Variants in ERICH1 observed in about 807,000 individuals in gnomAD.
ERICH1 encodes the protein glutamate rich 1, also known as glutamate-rich protein 1.
A neutral mutation model predicts 39.6 loss-of-function variants in ERICH1; 56 were observed. The observed-to-expected ratio is 1.41, with a 90% CI of 1.14 to 1.77. ERICH1 has a LOEUF of 1.77. Among genes scored for constraint, ERICH1 ranks in the 40% most tolerant of loss-of-function variants. ERICH1 has a pLI of 0.00. For synonymous variants in ERICH1, 313 were observed against 223.6 expected (o/e 1.40, Z -3.57); for missense variants, 826 against 575.4 (o/e 1.44, Z -4.45).
intron 1 of ERICH1, 58 bp from the exon 2 acceptor site, chr8:716,065 C>T: frequency 1.3e-6 from 2 of 1,533,188 alleles, no homozygotes; most frequent in Admixed American, 4.2e-5. Context: ...TGCAGTTTAT[C>T]TGAATCACAC....
intron 3 of ERICH1, among the ~76,000 whole-genome samples, chr8:651,819 C>G (rs117690528): frequency 0.016 from 2,425 of 152,230 alleles, 28 homozygotes; most frequent in Middle Eastern, 0.031. Context: ...ATTGTCAACT[C>G]TACTCGGAAA....
intron 3 of ERICH1, among the ~76,000 whole-genome samples, chr8:686,459 A>C (rs76716310): frequency 4.6e-5 from 3 of 64,652 alleles, no homozygotes; most frequent in African/African-American, 1.2e-4. Context: ...AAAAAAAAAA[A>C]AAAAAACAAA....
intron 1 of ERICH1, among the ~76,000 whole-genome samples, chr8:728,499 C>A (rs1819311140): frequency 6.6e-6 from 1 of 152,184 alleles, no homozygotes; most frequent in Non-Finnish European, 1.5e-5. Flanking sequence ...ACACTGGGGG[C>A]CTCCCCAGTC....
rs780224169 is a variant in ERICH1 at position 731,197 on chromosome 8, C to T, written c.-36G>A. On this transcript the variant is annotated 5_prime_UTR_variant, in exon 1 of 6. Transcript: ENST00000262109. ...GCCGCGGACCTCAGACCACGGCGCG[C>T]GGTCCTGAGCTGAGCGCCGTGCCTT... 2.2e-5 allele frequency: 32 copies of T among 1,468,004 alleles called. No homozygotes were observed. The highest frequency in any genetic ancestry group is 2.8e-5 in the East Asian group (1 of 35,570). The allele number at this position is 1,468,004 out of a possible 1,614,324, so 90.9% of individuals were successfully genotyped here. A position where few individuals can be genotyped will look rare whatever the true frequency, so the allele number is the denominator to read the frequency against.
chr8:615,605 T>C (rs1376841165), intron 3 of ERICH1: 5 of 254,550 alleles, frequency 2.0e-5, no homozygotes. Flanking sequence ...CTATCCCTGA[T>C]CTGCCCAGGG....
At chr8:721,278 T>C (rs1817249565) in intron 1 of ERICH1, among the ~76,000 whole-genome samples, 1 of 152,252 alleles carries the variant, frequency 6.6e-6, no homozygotes, top group Non-Finnish European at 1.5e-5. Context: ...TTTTAACTTT[T>C]TAAAATCAGT....
chr8:616,432 C>CAG, intron 3 of ERICH1: 1 of 432,662 alleles, frequency 2.3e-6, no homozygotes, highest in Non-Finnish European at 4.7e-6. Flanking sequence ...CCCGCACACC[C>CAG]CATGCTCTCC....
At chr8:630,697 CGG>C (rs1175296306) in intron 3 of ERICH1, among the ~76,000 whole-genome samples, 2 of 116,954 alleles carry the variant, frequency 1.7e-5, no homozygotes, top group African/African-American at 6.8e-5. Flanking sequence ...AGCACCCACA[CGG>C]ACAGAGCTGA....
At chr8:628,365 C>G (rs1797722016) in intron 3 of ERICH1, among the ~76,000 whole-genome samples, 1 of 152,328 alleles carries the variant, frequency 6.6e-6, no homozygotes, top group Non-Finnish European at 1.5e-5. Context: ...GAAGTTTGGT[C>G]ATAACTTTTG....
chr8:633,176 C>A (rs915704635), intron 3 of ERICH1, among the ~76,000 whole-genome samples: 1 of 151,852 alleles, frequency 6.6e-6, no homozygotes, highest in East Asian at 1.9e-4. Context: ...TGGGGCCGCC[C>A]AGGACAGACG....
chr8:708,508 A>G (rs576354811), intron 2 of ERICH1, among the ~76,000 whole-genome samples: 4 of 152,254 alleles, frequency 2.6e-5, no homozygotes, highest in African/African-American at 4.8e-5. Flanking sequence ...AACATGAATG[A>G]ACCTTTAAAA....
intron 1 of ERICH1, among the ~76,000 whole-genome samples, chr8:724,095 C>T (rs1817984432): frequency 6.6e-6 from 1 of 152,144 alleles, no homozygotes; most frequent in African/African-American, 2.4e-5. Context: ...CAGAAATAAT[C>T]CTCAAATGGG....
At chr8:682,258 C>T (rs929743087) in intron 3 of ERICH1, among the ~76,000 whole-genome samples, 2 of 152,158 alleles carry the variant, frequency 1.3e-5, no homozygotes, top group African/African-American at 4.8e-5. Context: ...AGGGGTCTGC[C>T]AAGCATCCCA....
At chr8:636,669 A>AAAGGGTC in intron 3 of ERICH1, among the ~76,000 whole-genome samples, 1 of 152,204 alleles carries the variant, frequency 6.6e-6, no homozygotes, top group South Asian at 2.1e-4. Flanking sequence ...CAGTCCAAAT[A>AAAGGGTC]AAGGGTCGCT....
chr8:683,518 CTT>C (rs1355723085), intron 3 of ERICH1, among the ~76,000 whole-genome samples: 25 of 152,324 alleles, frequency 1.6e-4, no homozygotes, highest in Admixed American at 8.5e-4. Context: ...CTCTCTCTCT[CTT>C]AATAGATCTG....
chr8:689,614 G>A (rs966515938), intron 3 of ERICH1, among the ~76,000 whole-genome samples: 2 of 152,222 alleles, frequency 1.3e-5, no homozygotes, highest in Non-Finnish European at 2.9e-5. Context: ...ACCCAGGGAA[G>A]AGGCATGTTG....
rs200973779 is a variant in ERICH1 at position 692,736 on chromosome 8, T to TA, written c.170-125dup. 2,302 of 1,173,812 alleles carry TA rather than the reference T, an allele frequency of 2.0e-3. 36 individuals are homozygous for TA. In the African/African-American group the frequency reaches 0.033, roughly 17 times the overall value. 72.7% of individuals were successfully genotyped at this position (1,173,812 alleles called of 1,614,324 possible). A position where few individuals can be genotyped will look rare whatever the true frequency, so the allele number is the denominator to read the frequency against. On this transcript the variant is annotated intron_variant, in intron 2 of 5. Coordinates refer to ENST00000262109, the MANE Select transcript of ERICH1 (RefSeq NM_207332.3). ...CAAGACATGAAATCAAAGAGCTCAA[T>TA]AAAACCTAACCACTGTCATAAATAC...
intron 2 of ERICH1, among the ~76,000 whole-genome samples, chr8:704,292 C>T (rs1812782942): frequency 1.3e-5 from 2 of 152,188 alleles, no homozygotes; most frequent in African/African-American, 4.8e-5. Flanking sequence ...GCAAAGGAAG[C>T]CCCCGGGAGA....
intron 3 of ERICH1, among the ~76,000 whole-genome samples, chr8:653,460 A>C (rs1800230817): frequency 6.6e-6 from 1 of 152,222 alleles, no homozygotes; most frequent in Admixed American, 6.5e-5. Flanking sequence ...GCAAATGCCA[A>C]CCTGGAACCA....
Sources: allele counts gnomAD v4.1 joint callset (sites outside exome capture counted in the v4.1 genomes callset), GRCh38; gene constraint gnomAD v4.1.1; transcripts MANE v1.5; gene names NCBI Gene and HGNC (gene_info 2026-07-23, HGNC 2026-07-21).